SMC4: variants seen among roughly 807,000 people sequenced by gnomAD.
SMC4 encodes the protein structural maintenance of chromosomes 4, also known as structural maintenance of chromosomes protein 4.
A neutral mutation model predicts 145.6 loss-of-function variants in SMC4; 87 were observed. That is an observed-to-expected ratio of 0.60 (90% CI 0.50 to 0.71). The LOEUF (loss-of-function observed/expected upper bound fraction) is 0.71, where lower values mean the gene tolerates loss of function less well. Among genes scored for constraint, SMC4 ranks in the 30% least tolerant of loss-of-function variants. The pLI is 0.00. For missense variants in SMC4, 1,447 were observed against 1,537.1 expected (o/e 0.94, Z 0.98); for synonymous variants, 558 against 500.7 (o/e 1.11, Z -1.53).
intron 19 of SMC4, 136 bp downstream of exon 19, chr3:160,430,879 C>A: frequency 8.2e-7 from 1 of 1,223,018 alleles, no homozygotes; most frequent in Non-Finnish European, 1.1e-6. Context: ...TTTATTTGTA[C>A]AATAAGAATA....
At chr3:160,404,619 A>T (rs752662639) in intron 5 of SMC4, 115 bp downstream of exon 5, 1 of 896,854 alleles carries the variant, frequency 1.1e-6, no homozygotes, top group Non-Finnish European at 1.9e-6. Context: ...GCAGCACATC[A>T]TGGTTTACAT....
intron 18 of SMC4, among the ~76,000 whole-genome samples, chr3:160,429,597 T>C (rs1450196398): frequency 6.6e-6 from 1 of 151,990 alleles, no homozygotes; most frequent in Non-Finnish European, 1.5e-5. Flanking sequence ...TCCTCTTGCC[T>C]TGGCCTCCCA....
chr3:160,403,008 A>T (rs1352021771), intron 4 of SMC4, 141 bp downstream of exon 4: 2 of 608,262 alleles, frequency 3.3e-6, no homozygotes, highest in Non-Finnish European at 5.5e-6. Flanking sequence ...ACCGTATTTT[A>T]TTTTGGGGGA....
chr3:160,412,888 T>C, intron 7 of SMC4: 1 of 816,922 alleles, frequency 1.2e-6, no homozygotes, highest in East Asian at 1.2e-4. Flanking sequence ...TCAGTCCTTT[T>C]ACGTGTGCAC....
intron 5 of SMC4, among the ~76,000 whole-genome samples, chr3:160,409,033 C>G (rs73154582): frequency 0.036 from 5,291 of 148,320 alleles, 135 homozygotes; most frequent in Middle Eastern, 0.07. Context: ...TTGGGAGGCC[C>G]AGACGGGCGG....
intron 5 of SMC4, among the ~76,000 whole-genome samples, chr3:160,411,009 G>A (rs1469580907): frequency 1.3e-5 from 2 of 152,032 alleles, no homozygotes; most frequent in Non-Finnish European, 2.9e-5. Flanking sequence ...CTCCTATAAC[G>A]TAGCAGCATT....
In SMC4 at chr3:160,416,365, G is replaced by A; in HGVS notation, c.1387G>A (p.Val463Ile). 6.3e-7 allele frequency: 1 copy of A among 1,596,764 alleles called. No homozygotes were observed. The change falls in exon 10 of 24, where the codon GTT (valine) becomes ATT (isoleucine). Residue 463 changes from valine (V) to isoleucine (I), a missense_variant. Transcript: ENST00000357388. ...GAAAGAAGAAAAAAAATTAAAGGAA[G>A]TTATGGATAGCCTTAAACAGGAAAC... ...KEKEEKKLKE[V>I]MDSLKQETQG...
chr3:160,420,779 A>G lies in SMC4; in HGVS notation c.1897A>G (p.Ile633Val), dbSNP rs370891102. 1.2e-5 allele frequency: 19 copies of G among 1,613,792 alleles called. No individual in the cohort carries two copies. The highest frequency in any genetic ancestry group is 1.7e-5 in the Admixed American group (1 of 59,954). ...CATTGATGAAAAATACGACGTGGCT[A>G]TATCATCCTGTTGTCATGCACTGGA... is the stretch of plus-strand genomic sequence containing the variant. The part of the protein sequence containing the change: ...GAIDEKYDVA[I>V]SSCCHALDYI... The change falls in exon 13 of 24, where the codon ATA becomes GTA. Residue 633 changes from isoleucine to valine, a missense_variant. Transcript: ENST00000357388.
chr3:160,424,985 G>A lies in SMC4; in HGVS notation c.2444G>A (p.Arg815Lys), dbSNP rs1182837980. Reference sequence around the variant, plus strand: ...TTACGGCATAGTGAACGAGAAATGAGGAACACACTAGAAAAATTTACTGCA... The same window carrying A: ...TTACGGCATAGTGAACGAGAAATGAAGAACACACTAGAAAAATTTACTGCA... Reference protein sequence around the residue: ...VKLRHSEREMRNTLEKFTASI... With the variant: ...VKLRHSEREMKNTLEKFTASI... The change falls in exon 16 of 24, where the codon AGG (arginine) becomes AAG (lysine). Residue 815 changes from arginine (R) to lysine (K), a missense_variant. Arg to Lys is a conservative substitution (Grantham distance 26). Coordinates refer to ENST00000357388, the MANE Select transcript of SMC4 (RefSeq NM_001002800.3). 5 of 1,609,630 alleles carry A rather than the reference G, an allele frequency of 3.1e-6. No homozygotes were observed. In the South Asian group the frequency reaches 3.3e-5, roughly 11 times the overall value.
chr3:160,420,717 T>C (rs762146383), intron 12 of SMC4, 23 bp from the exon 13 acceptor site: 2 of 1,605,206 alleles, frequency 1.2e-6, no homozygotes, highest in South Asian at 1.1e-5. Flanking sequence ...TAACTCTTTT[T>C]TCACCCCACT....
At chr3:160,403,027 G>T (rs1323330935) in intron 4 of SMC4, among the ~76,000 whole-genome samples, 160 bp downstream of exon 4, 1 of 152,022 alleles carries the variant, frequency 6.6e-6, no homozygotes, top group East Asian at 1.9e-4. Context: ...GAGTGGTGGT[G>T]CCTGTTAAAA....
chr3:160,430,603 C>G lies in SMC4; in HGVS notation c.2800C>G (p.Leu934Val). Reference sequence around the variant, plus strand: ...TGCATCATTTTGCTTCTTTAGAAACCTTCAAAAGGCACAAGACTCTGTCTT... The same window carrying G: ...TGCATCATTTTGCTTCTTTAGAAACGTTCAAAAGGCACAAGACTCTGTCTT... The part of the protein sequence containing the change: ...QVAIKTADRN[L>V]QKAQDSVLRT... Residue 934 changes from leucine to valine, a missense_variant, in exon 19 of 24, where the codon CTT becomes GTT. Coordinates refer to ENST00000357388, the MANE Select transcript of SMC4 (RefSeq NM_001002800.3). 2 of 1,579,168 alleles carry G rather than the reference C, an allele frequency of 1.3e-6. No homozygotes were observed. The highest frequency in any genetic ancestry group is 1.2e-5 in the South Asian group (1 of 84,210).
chr3:160,420,784 A>G lies in SMC4; in HGVS notation c.1902A>G (p.Ser634=), dbSNP rs776118825. 131 of 1,613,872 alleles carry G rather than the reference A, an allele frequency of 8.1e-5. No homozygotes were observed. Among genetic ancestry groups the G allele is most frequent in the Non-Finnish European group, 1.1e-4 (129 of 1,179,988 alleles). The change falls in exon 13 of 24, where the codon TCA becomes TCG. Residue 634 remains serine, a synonymous_variant. Coordinates refer to ENST00000357388, the MANE Select transcript of SMC4 (RefSeq NM_001002800.3). ...ATGAAAAATACGACGTGGCTATATC[A>G]TCCTGTTGTCATGCACTGGACTACA... is the stretch of plus-strand genomic sequence containing the variant. ...AIDEKYDVAI[S]SCCHALDYIV...
chr3:160,410,441 A>G (rs938482679), intron 5 of SMC4, among the ~76,000 whole-genome samples: 7 of 152,210 alleles, frequency 4.6e-5, no homozygotes, highest in African/African-American at 1.7e-4. Context: ...CCAGGCTTCA[A>G]TCCTGTCTAA....
rs779018088 is a variant in SMC4, at chr3:160,420,769, C to T, written c.1887C>T (p.Tyr629=). ...ACTTAGGAGCCATTGATGAAAAATACGACGTGGCTATATCATCCTGTTGTC... is the reference window on the plus strand; with the variant it reads ...ACTTAGGAGCCATTGATGAAAAATATGACGTGGCTATATCATCCTGTTGTC... ...LGDLGAIDEK[Y]DVAISSCCHA... The change falls in exon 13 of 24, where the codon TAC becomes TAT. Residue 629 remains tyrosine, a synonymous_variant. Coordinates refer to ENST00000357388, the MANE Select transcript of SMC4 (RefSeq NM_001002800.3). The T allele has an allele frequency of 3.0e-5, 48 of 1,613,186 alleles. No homozygotes were observed. Among genetic ancestry groups the T allele is most frequent in the Middle Eastern group, 1.6e-4 (1 of 6,080 alleles).
At position 160,420,720 on chromosome 3, in the gene SMC4, A is replaced by T. The variant is rs765775970; in HGVS notation, c.1858-20A>T. 2 of 1,603,084 alleles carry T rather than the reference A, an allele frequency of 1.2e-6. No homozygotes were observed. The highest frequency in any genetic ancestry group is 3.5e-5 in the Admixed American group (2 of 56,556). ...TGCTTTTCTGCCTAACTCTTTTTTCACCCCACTCTTCATTATTAGGGGGAC... is the reference window on the plus strand; with the variant it reads ...TGCTTTTCTGCCTAACTCTTTTTTCTCCCCACTCTTCATTATTAGGGGGAC... On this transcript the variant is annotated intron_variant, in intron 12 of 23. Coordinates refer to ENST00000357388, the MANE Select transcript of SMC4 (RefSeq NM_001002800.3).
rs759717698 is a variant in SMC4, at chr3:160,412,366, TAGAA to T, written c.894_897del (p.Gly300ArgfsTer4). The T allele has an allele frequency of 1.4e-5, 23 of 1,604,370 alleles. No individual in the cohort carries two copies. The highest frequency in any genetic ancestry group is 2.2e-5 in the South Asian group (2 of 90,642). ...ATGGTGGAAAAGGAAAAGGATGCCTTAGAAGGAGAGAAAAACATAGCTATCGAAT... is the reference window on the plus strand; with the variant it reads ...ATGGTGGAAAAGGAAAAGGATGCCTTGGAGAGAAAAACATAGCTATCGAAT... On this transcript the variant is annotated frameshift_variant, in exon 7 of 24. Coordinates refer to ENST00000357388, the MANE Select transcript of SMC4 (RefSeq NM_001002800.3). LOFTEE classifies it high-confidence loss of function.
chr3:160,407,539 C>T (rs1440652003), intron 5 of SMC4, among the ~76,000 whole-genome samples: 1 of 151,642 alleles, frequency 6.6e-6, no homozygotes, highest in East Asian at 1.9e-4. Flanking sequence ...GGTGACAGAC[C>T]TTGTCTCTAA....
chr3:160,417,937 C>T lies in SMC4; in HGVS notation c.1652C>T (p.Thr551Ile). 1 of 1,611,920 alleles carries T rather than the reference C, an allele frequency of 6.2e-7. No individual in the cohort carries two copies. The highest frequency in any genetic ancestry group is 8.5e-7 in the Non-Finnish European group (1 of 1,178,942). Residue 551 changes from threonine (T) to isoleucine (I), a missense_variant, in exon 11 of 24, where the codon ACT (threonine) becomes ATT (isoleucine). Physicochemically the swap from Thr to Ile is moderately conservative, Grantham distance 89 (BLOSUM62 -1). Transcript: ENST00000357388. The part of the protein sequence containing the change: ...IRDIEGKLPQ[T>I]EQELKEKEKE... ...GATATAGAAGGAAAACTCCCTCAAA[C>T]TGAACAAGAATTAAAGGAGGTAAAT...
Sources: gnomAD v4.1 joint callset for allele counts (sites outside exome capture counted in the v4.1 genomes callset) on GRCh38, gnomAD v4.1.1 for gene constraint, MANE v1.5 for transcripts, NCBI Gene and HGNC (gene_info 2026-07-23, HGNC 2026-07-21) for gene names.